The following KIF1B variants were observed in gnomAD, a reference collection of about 807,000 sequenced individuals.
KIF1B encodes the protein kinesin family member 1B, also known as kinesin-like protein KIF1B.
KIF1B carries 76 observed loss-of-function variants against 241.9 expected under a neutral mutation model. The ratio of observed to expected loss-of-function variants is 0.31; its 90% CI spans 0.26 to 0.38. The LOEUF (loss-of-function observed/expected upper bound fraction) is 0.38, where lower values mean the gene tolerates loss of function less well. KIF1B is among the 10% of genes least tolerant of loss of function. KIF1B has a pLI of 1.00. For missense variants in KIF1B, 1,622 were observed against 2,271.4 expected (o/e 0.71, Z 5.81); for synonymous variants, 750 against 796.7 (o/e 0.94, Z 0.99).
chr1:10,269,658 A>G (rs953857626), intron 7 of KIF1B, among the ~76,000 whole-genome samples: 3 of 151,966 alleles, frequency 2.0e-5, no homozygotes, highest in African/African-American at 7.2e-5. Context: ...AGTCTCTACT[A>G]AAAATACAAA....
At chr1:10,214,587 CCTT>C (rs1354858052) in intron 1 of KIF1B, among the ~76,000 whole-genome samples, 2 of 136,870 alleles carry the variant, frequency 1.5e-5, no homozygotes, top group Non-Finnish European at 3.1e-5. Flanking sequence ...CGTGCCCTGC[CCTT>C]TTTTTTTTTT....
chr1:10,247,016 T>C (rs1647226952), intron 2 of KIF1B, among the ~76,000 whole-genome samples: 1 of 152,134 alleles, frequency 6.6e-6, no homozygotes, highest in Non-Finnish European at 1.5e-5. Flanking sequence ...AGGTGCGTGC[T>C]ACCACACCCA....
chr1:10,217,343 C>CTTTTTTT (rs769372780), intron 1 of KIF1B, among the ~76,000 whole-genome samples: 1 of 131,990 alleles, frequency 7.6e-6, no homozygotes, highest in Non-Finnish European at 1.6e-5. Flanking sequence ...CTTTCTTTTT[C>CTTTTTTT]TTTTTTTTTT....
intron 1 of KIF1B, among the ~76,000 whole-genome samples, chr1:10,215,694 C>T (rs770543712): frequency 5.3e-5 from 8 of 151,972 alleles, no homozygotes; most frequent in Non-Finnish European, 8.8e-5. Context: ...CACAGGCATG[C>T]GCTACCATGC....
chr1:10,320,258 T>G lies in KIF1B; in HGVS notation c.2209+122T>G. Reference sequence around the variant, plus strand: ...GTTGGCCCTATCATTTATTGACATTTTACTGAGCCAGTTTACAGATGATTG... The same window carrying G: ...GTTGGCCCTATCATTTATTGACATTGTACTGAGCCAGTTTACAGATGATTG... On this transcript the variant is annotated intron_variant, in intron 23 of 48. Coordinates refer to ENST00000676179, the MANE Select transcript of KIF1B (RefSeq NM_001365951.3). 3 of 674,748 alleles carry G rather than the reference T, an allele frequency of 4.4e-6. No homozygotes were observed. In the South Asian group the frequency reaches 4.5e-5, roughly 10 times the overall value. 41.8% of individuals were successfully genotyped at this position (674,748 alleles called of 1,614,324 possible).
intron 2 of KIF1B, among the ~76,000 whole-genome samples, chr1:10,234,479 A>G (rs1375356812): frequency 6.6e-6 from 1 of 151,234 alleles, no homozygotes; most frequent in African/African-American, 2.4e-5. Flanking sequence ...GAGTGCTGGG[A>G]TTATAGGCAT....
At chr1:10,280,100 A>G (rs911189847) in intron 14 of KIF1B, among the ~76,000 whole-genome samples, 1 of 152,174 alleles carries the variant, frequency 6.6e-6, no homozygotes, top group Non-Finnish European at 1.5e-5. Flanking sequence ...TTCTCTCCAC[A>G]TATATCTTAA....
chr1:10,365,300 G>A lies in KIF1B; in HGVS notation c.4512+55G>A. On this transcript the variant is annotated intron_variant, in intron 42 of 48. Transcript: ENST00000676179. This position sits in a 1 kb window ranked among gnomAD's most constrained non-coding sequence, Gnocchi z 4.0. ...AGAACTCTCGGACAAGATTGCCAAAGTATCAGTCTTCCTCCCCGCTGCTGC... is the reference window on the plus strand; with the variant it reads ...AGAACTCTCGGACAAGATTGCCAAAATATCAGTCTTCCTCCCCGCTGCTGC... 2 of 1,613,266 alleles carry A rather than the reference G, an allele frequency of 1.2e-6. No individual in the cohort carries two copies.
At chr1:10,237,629 T>C (rs904315852) in intron 2 of KIF1B, among the ~76,000 whole-genome samples, 1 of 152,138 alleles carries the variant, frequency 6.6e-6, no homozygotes, top group Non-Finnish European at 1.5e-5. Flanking sequence ...ATATGTCTTA[T>C]AGGCTTTTTC....
At chr1:10,373,724 C>G (rs370455809) in intron 45 of KIF1B, among the ~76,000 whole-genome samples, 20 of 152,310 alleles carry the variant, frequency 1.3e-4, no homozygotes, top group African/African-American at 4.1e-4. Context: ...GTCTTCTCTG[C>G]ACAGCCGTTC....
chr1:10,260,175 A>G (rs1047021429), intron 4 of KIF1B, among the ~76,000 whole-genome samples: 3 of 152,240 alleles, frequency 2.0e-5, no homozygotes, highest in African/African-American at 4.8e-5. Flanking sequence ...CTCCAAGGCT[A>G]TAAACTTGTG....
chr1:10,295,221 G>C, intron 18 of KIF1B, 56 bp downstream of exon 18: 1 of 1,055,690 alleles, frequency 9.5e-7, no homozygotes, highest in Non-Finnish European at 1.5e-6. Flanking sequence ...TTAGATAATT[G>C]AATAACTAAA....
chr1:10,307,643 T>A, intron 22 of KIF1B: 4 of 1,015,832 alleles, frequency 3.9e-6, no homozygotes, highest in Non-Finnish European at 4.7e-6. Flanking sequence ...TTCTCTAAGC[T>A]TAAATACCAC....
In KIF1B at chr1:10,326,373, T is replaced by C. The variant is rs1325026115; in HGVS notation, c.2924+14T>C. On this transcript the variant is annotated intron_variant, in intron 27 of 48. Transcript: ENST00000676179. This position sits in a 1 kb window ranked among gnomAD's most constrained non-coding sequence, Gnocchi z 5.2. Reference sequence around the variant, plus strand: ...TTTAGTGGGAAGGTTGGTGAGGTTATTGTGAGAAAGGCGAAAAGGGACCAG... The same window carrying C: ...TTTAGTGGGAAGGTTGGTGAGGTTACTGTGAGAAAGGCGAAAAGGGACCAG... The C allele has an allele frequency of 1.2e-6, 2 of 1,613,944 alleles. No individual in the cohort carries two copies. Among genetic ancestry groups the C allele is most frequent in the Non-Finnish European group, 1.7e-6 (2 of 1,180,040 alleles).
chr1:10,231,725 A>T lies in KIF1B; in HGVS notation c.-79-525A>T, dbSNP rs551394854. 1.3e-3 allele frequency among the ~76,000 whole-genome samples: 200 copies of T among 152,256 alleles called. 1 individual carries two copies. The highest frequency in any genetic ancestry group is 4.6e-3 in the African/African-American group (192 of 41,560). ...TAAAGAGAAGTAGTAAGTGGTTTGC[A>T]CGTGGAAAGTTATCTGTTTAAGGAA... On this transcript the variant is annotated intron_variant, in intron 1 of 48. Coordinates refer to ENST00000676179, the MANE Select transcript of KIF1B (RefSeq NM_001365951.3).
chr1:10,379,251 C>T lies in KIF1B; in HGVS notation c.*2664C>T, dbSNP rs1388661514. 2 of 231,714 alleles carry T rather than the reference C, an allele frequency of 8.6e-6. No individual in the cohort carries two copies. The highest frequency in any genetic ancestry group is 1.7e-5 in the Non-Finnish European group (2 of 116,908). 14.4% of individuals were successfully genotyped at this position (231,714 alleles called of 1,614,324 possible). A position where few individuals can be genotyped will look rare whatever the true frequency, so the allele number is the denominator to read the frequency against. Reference sequence around the variant, plus strand: ...ACTTTTGTTTTTCTTCTAACTCATACAAAACTGGTTTGGAAAGTCTTTGCT... The same window carrying T: ...ACTTTTGTTTTTCTTCTAACTCATATAAAACTGGTTTGGAAAGTCTTTGCT... On this transcript the variant is annotated 3_prime_UTR_variant, in exon 49 of 49. Coordinates refer to ENST00000676179, the MANE Select transcript of KIF1B (RefSeq NM_001365951.3).
intron 17 of KIF1B, among the ~76,000 whole-genome samples, chr1:10,294,294 G>C (rs1650151530): frequency 6.6e-6 from 1 of 152,068 alleles, no homozygotes; most frequent in Non-Finnish European, 1.5e-5. Context: ...TCGAATATCA[G>C]TAATTTTACT....
chr1:10,258,716 G>C, intron 4 of KIF1B, 44 bp downstream of exon 4: 1 of 1,584,822 alleles, frequency 6.3e-7, no homozygotes, highest in South Asian at 1.1e-5. Context: ...CATTATTAGT[G>C]TTAGTCTTAA....
Position 10,313,752 on chromosome 1 carries a change from G to A in KIF1B, c.2116-6291G>A, listed in dbSNP as rs919712660. ...GTTTTAGTAGAGACGGGGTTTCACC[G>A]TGTTAGCCAGGATGGTCTTGATCTC... On this transcript the variant is annotated intron_variant, in intron 22 of 48. Coordinates refer to ENST00000676179, the MANE Select transcript of KIF1B (RefSeq NM_001365951.3). 2.6e-4 allele frequency among the ~76,000 whole-genome samples: 39 copies of A among 150,954 alleles called. 1 individual carries two copies. The highest frequency in any genetic ancestry group is 3.4e-3 in the Middle Eastern group (1 of 294).
Sources: allele counts gnomAD v4.1 joint callset (sites outside exome capture counted in the v4.1 genomes callset), GRCh38; gene constraint gnomAD v4.1.1; non-coding constraint Gnocchi (gnomAD v3.1); transcripts MANE v1.5; gene names NCBI Gene and HGNC (gene_info 2026-07-23, HGNC 2026-07-21).